The following NBPF26 variants were observed in gnomAD, a reference collection of about 807,000 sequenced individuals.
NBPF26 encodes the protein NBPF member 26, also known as NBPF family member NBPF26.
Under a neutral mutation model 119.6 loss-of-function variants are expected in NBPF26, and 79 were observed. The ratio of observed to expected loss-of-function variants is 0.66; its 90% CI spans 0.55 to 0.80. NBPF26 has a LOEUF of 0.80. NBPF26 is among the 30% of genes least tolerant of loss of function. NBPF26 has a pLI of 0.00. For synonymous variants in NBPF26, 299 were observed against 457.7 expected, an observed-to-expected ratio of 0.65 and a Z score of 4.43; for missense variants, 800 against 1,198.2, an observed-to-expected ratio of 0.67 and a Z score of 4.91.
chr1:120,752,554 ATTTTT>A (rs1188849971), intron 1 of NBPF26, among the ~76,000 whole-genome samples: 9 of 3,746 alleles, frequency 2.4e-3, no homozygotes, highest in South Asian at 0.012. Context: ...ATATATATAT[ATTTTT>A]TTTTTTTTTT....
At chr1:120,822,998 T>C (rs1207563247) in intron 16 of NBPF26, among the ~76,000 whole-genome samples, 2 of 125,568 alleles carry the variant, frequency 1.6e-5, no homozygotes, top group African/African-American at 3.8e-5. Context: ...GTATCTCTCC[T>C]ATGAGGTGTT....
chr1:120,755,890 T>C (rs1651074881), intron 1 of NBPF26, among the ~76,000 whole-genome samples: 1 of 85,928 alleles, frequency 1.2e-5, no homozygotes, highest in South Asian at 3.3e-4. Context: ...ACATAAATCC[T>C]TGGAACACTA....
At chr1:120,723,952 C>T in exon 1 of NBPF26, 1 of 784,504 alleles carries the variant, frequency 1.3e-6, no homozygotes, top group Non-Finnish European at 1.7e-6. Flanking sequence ...TTCAGCCAAA[C>T]TTCCGGCGGC....
chr1:120,823,622 C>A (rs1652177597), intron 17 of NBPF26, among the ~76,000 whole-genome samples: 1 of 125,276 alleles, frequency 8.0e-6, no homozygotes, highest in Non-Finnish European at 1.6e-5. Flanking sequence ...AACTTGACCA[C>A]ATTTTACGCA....
At chr1:120,840,435 T>G in exon 30 of NBPF26, 1 of 1,474,314 alleles carries the variant, frequency 6.8e-7, no homozygotes, top group Non-Finnish European at 9.2e-7. Context: ...GTCAATGTAC[T>G]TTGAACTACC....
rs1375895735 is a variant in NBPF26 at position 120,791,428 on chromosome 1, A to C, written c.416-1733A>C. Among the ~76,000 whole-genome samples, 38 of 107,464 alleles carry C rather than the reference A, an allele frequency of 3.5e-4. 7 individuals carry two copies. The highest frequency in any genetic ancestry group is 5.9e-4 in the Non-Finnish European group (34 of 58,002). The allele number at this position is 107,464 out of a possible 152,430, so 70.5% of individuals were successfully genotyped here. ...TCCATCAATGATAGACTGGATTAAG[A>C]AAATGTGGCACATATACACCATGGA... On this transcript the variant is annotated intron_variant, in intron 3 of 29. Transcript: ENST00000620612.
At chr1:120,810,014 C>A (rs1651819188) in intron 8 of NBPF26, 131 bp downstream of exon 8, 5 of 1,361,906 alleles carry the variant, frequency 3.7e-6, no homozygotes, top group Non-Finnish European at 5.1e-6. Flanking sequence ...AAATTCAACC[C>A]AGCTTAGACA....
chr1:120,765,775 A>G (rs1205148481), intron 2 of NBPF26, among the ~76,000 whole-genome samples: 2 of 127,984 alleles, frequency 1.6e-5, no homozygotes, highest in African/African-American at 3.4e-5. Context: ...TGTGGCATGT[A>G]TACACGATGG....
In NBPF26 at chr1:120,840,503, C is replaced by G. The variant is rs1652493107; in HGVS notation, c.4257C>G (p.Ser1419Arg). Residue 1419 changes from serine (S) to arginine (R), a missense_variant, in exon 30 of 30, where the codon AGC becomes AGG. By Grantham distance (110) the Ser-to-Arg change is moderately radical. Transcript: ENST00000620612. ...ACTCATTTGAGGAAGAGCATATCAG[C>G]TTCGCCCTTTACGTGGACAATAGGT... 15 of 1,476,566 alleles carry G rather than the reference C, an allele frequency of 1.0e-5. 3 individuals carry two copies. The highest frequency in any genetic ancestry group is 9.5e-5 in the African/African-American group (5 of 52,622). The allele number at this position is 1,476,566 out of a possible 1,614,324, so 91.5% of individuals were successfully genotyped here.
rs1160590473 is a variant in NBPF26, at chr1:120,768,620, C to A, written c.155+4911C>A. 9.7e-4 allele frequency among the ~76,000 whole-genome samples: 105 copies of A among 108,262 alleles called. 17 individuals carry two copies. The East Asian group carries it at 0.012, about 12-fold the overall frequency. 71.0% of individuals were successfully genotyped at this position (108,262 alleles called of 152,430 possible). ...GTACCTTCACGATAAAAAAAAAAAA[C>A]AAAACTGTAAATGTGGGTTTCATAT... On this transcript the variant is annotated intron_variant, in intron 2 of 29. Coordinates refer to ENST00000620612, the Ensembl canonical transcript of NBPF26.
intron 1 of NBPF26, among the ~76,000 whole-genome samples, chr1:120,735,221 G>A (rs1345873921): frequency 7.0e-5 from 4 of 57,128 alleles, no homozygotes; most frequent in East Asian, 3.9e-4. Flanking sequence ...GCACCACAAC[G>A]CCTGGCTAAT....
exon 14 of NBPF26, chr1:120,816,803 G>C (rs1652017168): frequency 6.9e-7 from 1 of 1,441,448 alleles, no homozygotes. Flanking sequence ...TGTTGAATGG[G>C]AGGATGCTGT....
At chr1:120,752,654 T>C (rs1170539219) in intron 1 of NBPF26, among the ~76,000 whole-genome samples, 1 of 39,300 alleles carries the variant, frequency 2.5e-5, no homozygotes, top group African/African-American at 3.3e-4. Context: ...CATTGCAAGC[T>C]CCGCCTCCCG....
At chr1:120,810,139 C>T (rs1400527746) in intron 8 of NBPF26, among the ~76,000 whole-genome samples, 12 of 123,492 alleles carry the variant, frequency 9.7e-5, no homozygotes, top group African/African-American at 4.8e-4. Flanking sequence ...GCACTGAACA[C>T]CAGCTGCTCT....
Position 120,783,651 on chromosome 1 carries a change from T to G in NBPF26, c.156-1323T>G, listed in dbSNP as rs1399058718. ...GGGACTGGAACAGTGTATTTTGGAGTCAGTTACAGGAAGGAAGTTGTTTAA... is the reference window on the plus strand; with the variant it reads ...GGGACTGGAACAGTGTATTTTGGAGGCAGTTACAGGAAGGAAGTTGTTTAA... On this transcript the variant is annotated intron_variant, in intron 2 of 29. Transcript: ENST00000620612. Among the ~76,000 whole-genome samples the G allele has an allele frequency of 3.6e-5, 4 of 109,964 alleles. 1 individual carries two copies. The East Asian group carries it at 6.7e-4, about 18-fold the overall frequency. 72.1% of individuals were successfully genotyped at this position (109,964 alleles called of 152,430 possible).
Position 120,840,251 on chromosome 1 carries a change from C to A in NBPF26, c.4104-99C>A. 7 of 1,418,136 alleles carry A rather than the reference C, an allele frequency of 4.9e-6. 1 individual carries two copies. The highest frequency in any genetic ancestry group is 6.5e-6 in the Non-Finnish European group (7 of 1,070,300). The allele number at this position is 1,418,136 out of a possible 1,614,324, so 87.8% of individuals were successfully genotyped here. On this transcript the variant is annotated intron_variant, in intron 29 of 29. Coordinates refer to ENST00000620612, the Ensembl canonical transcript of NBPF26. ...CCTCATTAATGGATCTATCCTTTTT[C>A]TTTTCTAACCACTTCCTTATGTTAC...
Position 120,724,783 on chromosome 1 carries a change from C to T in NBPF26, c.73+533C>T, listed in dbSNP as rs1251801566. 5.6e-5 allele frequency among the ~76,000 whole-genome samples: 6 copies of T among 107,210 alleles called. 3 individuals carry two copies. The highest frequency in any genetic ancestry group is 1.1e-4 in the Non-Finnish European group (6 of 54,922). The allele number at this position is 107,210 out of a possible 152,430, so 70.3% of individuals were successfully genotyped here. On this transcript the variant is annotated intron_variant, in intron 1 of 29. Transcript: ENST00000620612. The stretch of plus-strand genomic sequence containing the variant: ...TGGTTTGGATGGGGACGGGGTTTTG[C>T]GGCGCGCCTGAGTTTTGACACTCCA...
rs1650843883 is a variant in NBPF26, at chr1:120,728,813, T to C, written c.73+4563T>C. 3.7e-5 allele frequency among the ~76,000 whole-genome samples: 4 copies of C among 107,424 alleles called. 1 individual carries two copies. The highest frequency in any genetic ancestry group is 2.2e-4 in the East Asian group (1 of 4,484). The allele number at this position is 107,424 out of a possible 152,430, so 70.5% of individuals were successfully genotyped here. A position where few individuals can be genotyped will look rare whatever the true frequency, so the allele number is the denominator to read the frequency against. ...TGTACATTTAGTAAAGTATATTTGCTTTTTTTTTTTTTGAACCAAGAGAGT... is the reference window on the plus strand; with the variant it reads ...TGTACATTTAGTAAAGTATATTTGCCTTTTTTTTTTTTGAACCAAGAGAGT... On this transcript the variant is annotated intron_variant, in intron 1 of 29. Transcript: ENST00000620612.
chr1:120,815,431 T>G (rs1465845361), intron 12 of NBPF26, among the ~76,000 whole-genome samples: 1 of 110,566 alleles, frequency 9.0e-6, no homozygotes, highest in Non-Finnish European at 1.7e-5. Context: ...TGACTTGTCC[T>G]TCCTGAGTTT....
Sources: gnomAD v4.1 joint callset for allele counts (sites outside exome capture counted in the v4.1 genomes callset) on GRCh38, gnomAD v4.1.1 for gene constraint, MANE v1.5 for transcripts, NCBI Gene and HGNC (gene_info 2026-07-23, HGNC 2026-07-21) for gene names.